Variants in THEMIS observed in about 807,000 individuals in gnomAD.
The protein encoded by THEMIS is thymocyte selection associated.
In THEMIS, 37 loss-of-function variants were observed where a neutral mutation model predicts 52.6. The ratio of observed to expected loss-of-function variants is 0.70; its 90% CI spans 0.54 to 0.93. THEMIS has a LOEUF of 0.93. THEMIS is among the 40% of genes least tolerant of loss of function. The pLI, the probability that THEMIS is intolerant of heterozygous loss-of-function variation, is 0.00. For synonymous variants in THEMIS, 292 were observed against 272.7 expected, an observed-to-expected ratio of 1.07 and a Z score of -0.70; for missense variants, 808 against 763.1, an observed-to-expected ratio of 1.06 and a Z score of -0.69.
At chr6:127,866,682 A>G (rs1374268915) in intron 1 of THEMIS, among the ~76,000 whole-genome samples, 1 of 151,962 alleles carries the variant, frequency 6.6e-6, no homozygotes, top group Non-Finnish European at 1.5e-5. Context: ...ATACTCAATA[A>G]TCACTCTTAT....
chr6:127,887,015 C>T lies in THEMIS; in HGVS notation c.91+13827G>A, dbSNP rs78808548. On this transcript the variant is annotated intron_variant, in intron 1 of 5. Transcript: ENST00000368248. The stretch of plus-strand genomic sequence containing the variant: ...GCATGAGCCCTCCCCTACCTCCCCC[C>T]CCAAAAAATACATTGGATTTCATCA... Among the ~76,000 whole-genome samples, 1,017 of 151,832 alleles carry T rather than the reference C, an allele frequency of 6.7e-3. 37 individuals carry two copies. The East Asian group carries it at 0.093, about 14-fold the overall frequency.
intron 1 of THEMIS, among the ~76,000 whole-genome samples, chr6:127,896,031 T>C (rs61043690): frequency 0.029 from 4,367 of 151,490 alleles, 227 homozygotes; most frequent in African/African-American, 0.1. Flanking sequence ...ATTAAAAGCA[T>C]GTTTAACACT....
At chr6:127,728,878 C>A (rs1016705173) in intron 4 of THEMIS, among the ~76,000 whole-genome samples, 1 of 152,190 alleles carries the variant, frequency 6.6e-6, no homozygotes, top group South Asian at 2.1e-4. Flanking sequence ...GACATTTGAG[C>A]AAAGATTTAA....
intron 4 of THEMIS, among the ~76,000 whole-genome samples, chr6:127,742,560 T>C (rs1052036825): frequency 1.2e-4 from 18 of 152,108 alleles, no homozygotes; most frequent in Non-Finnish European, 2.4e-4. Context: ...ATATTTTACA[T>C]AGATACAATG....
chr6:127,844,028 T>C (rs1779133948), intron 2 of THEMIS, among the ~76,000 whole-genome samples: 1 of 152,002 alleles, frequency 6.6e-6, no homozygotes, highest in African/African-American at 2.4e-5. Flanking sequence ...ATAAATTATG[T>C]GAGAAATGTT....
chr6:127,829,240 A>G (rs1778611084), intron 3 of THEMIS, among the ~76,000 whole-genome samples: 1 of 152,226 alleles, frequency 6.6e-6, no homozygotes, highest in African/African-American at 2.4e-5. Context: ...CCTGATAGTT[A>G]TAGCACCTCA....
chr6:127,785,124 A>G (rs1281800256), intron 4 of THEMIS, among the ~76,000 whole-genome samples: 1 of 151,808 alleles, frequency 6.6e-6, no homozygotes, highest in Non-Finnish European at 1.5e-5. Flanking sequence ...CTAATCTATT[A>G]TCTACCTACC....
At chr6:127,735,572 T>C (rs76781259) in intron 4 of THEMIS, among the ~76,000 whole-genome samples, 2,210 of 152,286 alleles carry the variant, frequency 0.015, 48 homozygotes, top group African/African-American at 0.05. Context: ...AAAGTCAACA[T>C]TGTGGATCAT....
At chr6:127,769,138 T>G (rs565487515) in intron 4 of THEMIS, among the ~76,000 whole-genome samples, 4 of 152,320 alleles carry the variant, frequency 2.6e-5, no homozygotes, top group African/African-American at 7.2e-5. Flanking sequence ...TTTTTTTGAT[T>G]TCTTAAATCC....
intron 4 of THEMIS, among the ~76,000 whole-genome samples, chr6:127,810,871 GA>G (rs36037018): frequency 0.014 from 1,964 of 144,802 alleles, 45 homozygotes; most frequent in African/African-American, 0.043. Flanking sequence ...CAGTAGGCTG[GA>G]AAAAAAAAAA....
At chr6:127,702,334 G>A in the THEMIS span, among the ~76,000 whole-genome samples, 1 of 151,984 alleles carries the variant, frequency 6.6e-6, no homozygotes, top group African/African-American at 2.4e-5. Context: ...TATTCTTCTT[G>A]AAATATGCTG....
intron 1 of THEMIS, among the ~76,000 whole-genome samples, chr6:127,890,006 G>A (rs889795230): frequency 6.6e-6 from 1 of 151,970 alleles, no homozygotes; most frequent in African/African-American, 2.4e-5. Flanking sequence ...CATTGTCTGC[G>A]TACAACTGCT....
intron 1 of THEMIS, among the ~76,000 whole-genome samples, chr6:127,886,263 T>C (rs1400482837): frequency 6.6e-6 from 1 of 152,128 alleles, no homozygotes; most frequent in Non-Finnish European, 1.5e-5. Context: ...TTAGGTTTAG[T>C]TTTTCCATTA....
At chr6:127,832,777 CTTTTTTTTTT>C (rs11355741) in intron 2 of THEMIS, among the ~76,000 whole-genome samples, 2 of 57,796 alleles carry the variant, frequency 3.5e-5, no homozygotes, top group African/African-American at 7.6e-5. Context: ...ATTGTCAGAT[CTTTTTTTTTT>C]TTTTTTTTTT....
intron 1 of THEMIS, among the ~76,000 whole-genome samples, chr6:127,858,195 A>G (rs1486615912): frequency 6.6e-6 from 1 of 152,122 alleles, no homozygotes; most frequent in Non-Finnish European, 1.5e-5. Flanking sequence ...TTCTATAAAA[A>G]GAAATTTCAT....
chr6:127,916,553 T>C (rs17053250), intron 1 of THEMIS, among the ~76,000 whole-genome samples: 2,677 of 152,284 alleles, frequency 0.018, 86 homozygotes, highest in African/African-American at 0.06. Context: ...ACTGTATCCT[T>C]TCTGTGGGAA....
chr6:127,839,187 A>G (rs1306209165), intron 2 of THEMIS, among the ~76,000 whole-genome samples: 1 of 152,022 alleles, frequency 6.6e-6, no homozygotes, highest in East Asian at 1.9e-4. Flanking sequence ...TATGTAATTG[A>G]TATATTTATA....
intron 3 of THEMIS, among the ~76,000 whole-genome samples, chr6:127,823,252 G>A (rs2114640978): frequency 6.6e-6 from 1 of 152,198 alleles, no homozygotes; most frequent in East Asian, 1.9e-4. Flanking sequence ...GGTTCTAAAT[G>A]TCATGTTGTC....
At chr6:127,757,054 G>A (rs954336899) in intron 4 of THEMIS, among the ~76,000 whole-genome samples, 1 of 152,056 alleles carries the variant, frequency 6.6e-6, no homozygotes, top group African/African-American at 2.4e-5. Flanking sequence ...TTTCTCTGAC[G>A]ATAAAAATGT....
Sources: gnomAD v4.1 joint callset for allele counts (sites outside exome capture counted in the v4.1 genomes callset) on GRCh38, gnomAD v4.1.1 for gene constraint, MANE v1.5 for transcripts, NCBI Gene and HGNC (gene_info 2026-07-23, HGNC 2026-07-21) for gene names.